The following XKR6 variants were observed in gnomAD, a reference collection of about 807,000 sequenced individuals.
The protein encoded by XKR6 is XK related 6.
A neutral mutation model predicts 56.7 loss-of-function variants in XKR6; 22 were observed. That is an observed-to-expected ratio of 0.39 (90% confidence interval 0.28 to 0.55). The LOEUF (loss-of-function observed/expected upper bound fraction) is 0.55. XKR6 is among the 20% of genes least tolerant of loss of function. The pLI is 0.66. For missense variants in XKR6, 852 were observed against 889.0 expected (o/e 0.96, Z 0.53); for synonymous variants, 524 against 387.8 (o/e 1.35, Z -4.13).
At position 11,047,106 on chromosome 8, in the gene XKR6, T is replaced by C. The variant is rs1455152168; in HGVS notation, c.765-122276A>G. The stretch of plus-strand genomic sequence containing the variant: ...CATGGTGACTATAGTTAATAACATA[T>C]TGTCTACCTGAAATTTACTAAGAGA... On this transcript the variant is annotated intron_variant, in intron 1 of 2. Transcript: ENST00000416569. Among the ~76,000 whole-genome samples the C allele has an allele frequency of 5.3e-5, 8 of 152,272 alleles. No homozygotes were observed. In the East Asian group the frequency reaches 9.6e-4, roughly 18 times the overall value.
intron 1 of XKR6, among the ~76,000 whole-genome samples, chr8:11,029,431 G>A (rs1351828335): frequency 6.6e-6 from 1 of 152,152 alleles, no homozygotes; most frequent in Admixed American, 6.5e-5. Context: ...ATTAGGTTTA[G>A]ATGAGGTCAT....
chr8:11,057,125 C>A (rs976264463), intron 1 of XKR6, among the ~76,000 whole-genome samples: 1 of 152,218 alleles, frequency 6.6e-6, no homozygotes, highest in African/African-American at 2.4e-5. Context: ...AAGCACAAAA[C>A]ATTTTCCTAT....
chr8:11,105,962 T>G (rs576854047), intron 1 of XKR6: 6 of 152,356 alleles, frequency 3.9e-5, no homozygotes, highest in African/African-American at 1.4e-4. Flanking sequence ...AACGACAAGC[T>G]TTTAAATAAT....
At chr8:11,114,410 G>C (rs1487980033) in intron 1 of XKR6, among the ~76,000 whole-genome samples, 2 of 152,168 alleles carry the variant, frequency 1.3e-5, no homozygotes, top group Non-Finnish European at 2.9e-5. Context: ...ACCCAGGCTA[G>C]AGTGCAGTGG....
At chr8:10,921,757 G>A (rs937030723) in intron 2 of XKR6, among the ~76,000 whole-genome samples, 3 of 152,188 alleles carry the variant, frequency 2.0e-5, no homozygotes, top group Non-Finnish European at 4.4e-5. Context: ...GTTGGAAGAG[G>A]AAAAGATGAG....
intron 1 of XKR6, among the ~76,000 whole-genome samples, chr8:11,173,145 C>G (rs1310655258): frequency 6.7e-6 from 1 of 150,140 alleles, no homozygotes; most frequent in Non-Finnish European, 1.5e-5. Flanking sequence ...ACCATCCTGG[C>G]TAACACGGTG....
chr8:11,110,697 G>C (rs1037468699), intron 1 of XKR6, among the ~76,000 whole-genome samples: 6 of 152,172 alleles, frequency 3.9e-5, no homozygotes, highest in African/African-American at 1.4e-4. Context: ...AAGAAAAAAA[G>C]ATAGCCGCTC....
chr8:11,041,150 T>C (rs925613461), intron 1 of XKR6, among the ~76,000 whole-genome samples: 8 of 152,132 alleles, frequency 5.3e-5, no homozygotes, highest in Admixed American at 4.6e-4. Context: ...CAGTGTACCG[T>C]ACATCCCTGA....
intron 1 of XKR6, among the ~76,000 whole-genome samples, chr8:11,145,237 G>A (rs1800923120): frequency 1.3e-5 from 2 of 150,740 alleles, no homozygotes; most frequent in African/African-American, 4.9e-5. Context: ...TGGTAAGCAT[G>A]ATGCAAATAC....
At chr8:10,941,879 G>T (rs529702852) in intron 1 of XKR6, among the ~76,000 whole-genome samples, 52 of 152,298 alleles carry the variant, frequency 3.4e-4, no homozygotes, top group Non-Finnish European at 5.7e-4. Flanking sequence ...GAACCCCAAC[G>T]GCCCTTCCAC....
At chr8:11,026,227 G>A (rs1424881814) in intron 1 of XKR6, among the ~76,000 whole-genome samples, 1 of 151,670 alleles carries the variant, frequency 6.6e-6, no homozygotes, top group Non-Finnish European at 1.5e-5. Context: ...AGATGGTCTA[G>A]CCTACTACAC....
rs540721573 is a variant in XKR6 at position 11,063,204 on chromosome 8, A to AATAT, written c.764+137371_764+137372insATAT. On this transcript the variant is annotated intron_variant, in intron 1 of 2. Coordinates refer to ENST00000416569, the MANE Select transcript of XKR6 (RefSeq NM_173683.4). ...ATAAGTGAGACCCCGTCTCTACCTA[A>AATAT]ATAAATAAATAAATAAATAAGGTAA... Among the ~76,000 whole-genome samples the AATAT allele has an allele frequency of 2.6e-5, 4 of 151,992 alleles. No homozygotes were observed. In the South Asian group the frequency reaches 8.3e-4, roughly 32 times the overall value.
chr8:11,038,497 TTG>T (rs34388531), intron 1 of XKR6, among the ~76,000 whole-genome samples: 15,112 of 129,752 alleles, frequency 0.12, 763 homozygotes, highest in East Asian at 0.24. Context: ...TGTAGTCATT[TTG>T]TGTGTGTGTG....
chr8:11,041,661 T>C (rs1482617207), intron 1 of XKR6, among the ~76,000 whole-genome samples: 2 of 151,138 alleles, frequency 1.3e-5, no homozygotes, highest in Non-Finnish European at 2.9e-5. Context: ...GGTAGTGGGG[T>C]TGTGGGTCAT....
At chr8:11,093,973 T>C (rs1010219988) in intron 1 of XKR6, among the ~76,000 whole-genome samples, 1 of 151,894 alleles carries the variant, frequency 6.6e-6, no homozygotes, top group Non-Finnish European at 1.5e-5. Context: ...TTAGTAGAGA[T>C]GGGGGTTTCA....
intron 1 of XKR6, among the ~76,000 whole-genome samples, chr8:11,147,786 GT>G (rs1422068422): frequency 2.0e-5 from 3 of 152,146 alleles, no homozygotes; most frequent in Non-Finnish European, 4.4e-5. Context: ...AATCACAACA[GT>G]TGATCTTACC....
At position 11,150,612 on chromosome 8, in the gene XKR6, G is replaced by T. The variant is rs577245559; in HGVS notation, c.764+49964C>A. On this transcript the variant is annotated intron_variant, in intron 1 of 2. Coordinates refer to ENST00000416569, the MANE Select transcript of XKR6 (RefSeq NM_173683.4). Reference sequence around the variant, plus strand: ...TCATACTTATAATCCCAGCACTTCGGGAGGCCAAGGCGGGTGGATCACCTG... The same window carrying T: ...TCATACTTATAATCCCAGCACTTCGTGAGGCCAAGGCGGGTGGATCACCTG... 3.9e-5 allele frequency among the ~76,000 whole-genome samples: 6 copies of T among 152,162 alleles called. No individual in the cohort carries two copies. The South Asian group carries it at 1.2e-3, about 32-fold the overall frequency.
In XKR6 at chr8:10,919,771, G is replaced by A. The variant is rs544051139; in HGVS notation, c.961+4863C>T. On this transcript the variant is annotated intron_variant, in intron 2 of 2. Transcript: ENST00000416569. The stretch of plus-strand genomic sequence containing the variant: ...CCCTTTCACAACCCAGAACAGGAGC[G>A]GAGCCTTAGCAGACACAAGACTCAC... Among the ~76,000 whole-genome samples, 5 of 152,224 alleles carry A rather than the reference G, an allele frequency of 3.3e-5. No individual in the cohort carries two copies. In the East Asian group the frequency reaches 7.7e-4, roughly 23 times the overall value.
chr8:11,200,132 G>A lies in XKR6; in HGVS notation c.764+444C>T, dbSNP rs145671508. Among the ~76,000 whole-genome samples the A allele has an allele frequency of 2.1e-3, 327 of 152,336 alleles. No individual in the cohort carries two copies. Among genetic ancestry groups the A allele is most frequent in the African/African-American group, 7.6e-3 (317 of 41,574 alleles). On this transcript the variant is annotated intron_variant, in intron 1 of 2. Transcript: ENST00000416569. The surrounding 1 kb of genome is among the most constrained non-coding windows in gnomAD (Gnocchi z 6.4). ...GGCCCCACGCAGGCCACTGCAGAGG[G>A]AGAACGGGGGAAGAGGGGAGGATGT...
Sources: gnomAD v4.1 joint callset for allele counts (sites outside exome capture counted in the v4.1 genomes callset) on GRCh38, gnomAD v4.1.1 for gene constraint, Gnocchi (gnomAD v3.1) non-coding constraint, MANE v1.5 for transcripts, NCBI Gene and HGNC (gene_info 2026-07-23, HGNC 2026-07-21) for gene names.